Variants in MCU observed in about 807,000 individuals in gnomAD.
The protein encoded by MCU is calcium uniporter protein, mitochondrial.
In MCU, 12 loss-of-function variants were observed where a neutral mutation model predicts 45.2. That is an observed-to-expected ratio of 0.27 (90% CI 0.17 to 0.43). The LOEUF (loss-of-function observed/expected upper bound fraction) is 0.43. Ranked by LOEUF, MCU falls within the 20% of genes least tolerant of loss-of-function variation. The pLI, the probability that MCU is intolerant of heterozygous loss-of-function variation, is 1.00. For missense variants in MCU, 324 were observed against 436.7 expected (o/e 0.74, Z 2.30); for synonymous variants, 160 against 165.1 (o/e 0.97, Z 0.24).
chr10:72,787,883 A>G (rs1354622094), intron 1 of MCU, among the ~76,000 whole-genome samples: 1 of 151,384 alleles, frequency 6.6e-6, no homozygotes, highest in Non-Finnish European at 1.5e-5. Flanking sequence ...CACCCAGCTA[A>G]TTTTTGTATT....
At chr10:72,738,258 C>T (rs527849863) in intron 1 of MCU, among the ~76,000 whole-genome samples, 1 of 152,128 alleles carries the variant, frequency 6.6e-6, no homozygotes, top group African/African-American at 2.4e-5. Flanking sequence ...AAATTGCTCC[C>T]ACTCTTTCTT....
At chr10:72,827,430 A>G (rs1033858759) in intron 1 of MCU, among the ~76,000 whole-genome samples, 1 of 152,220 alleles carries the variant, frequency 6.6e-6, no homozygotes, top group Non-Finnish European at 1.5e-5. Flanking sequence ...GCTTATGGAA[A>G]TCATAATTAC....
rs1589463369 is a variant in MCU at position 72,794,424 on chromosome 10, C to T, written c.151-39935C>T. ...AGTCTTTCTGCCTATGGGGTTGTTT[C>T]CTAAGGCTCTTGGTTCTGCCTTCTG... On this transcript the variant is annotated intron_variant, in intron 1 of 7. Transcript: ENST00000373053. Among the ~76,000 whole-genome samples the T allele has an allele frequency of 3.3e-5, 5 of 152,258 alleles. No individual in the cohort carries two copies. In the South Asian group the frequency reaches 1.0e-3, roughly 32 times the overall value.
At chr10:72,884,974 TCTTTGTGA>T (rs1275299595) in intron 7 of MCU, among the ~76,000 whole-genome samples, 3 of 152,348 alleles carry the variant, frequency 2.0e-5, no homozygotes, top group South Asian at 4.1e-4. Flanking sequence ...TTCTCTGTAG[TCTTTGTGA>T]CTTTAGAGAT....
At chr10:72,739,966 G>A (rs767836391) in intron 1 of MCU, among the ~76,000 whole-genome samples, 5 of 151,834 alleles carry the variant, frequency 3.3e-5, no homozygotes, top group East Asian at 2.0e-4. Flanking sequence ...GTGAGCCACC[G>A]TGCCCAGCTG....
chr10:72,746,225 G>C (rs1186319825), intron 1 of MCU, among the ~76,000 whole-genome samples: 2 of 152,084 alleles, frequency 1.3e-5, no homozygotes, highest in Non-Finnish European at 2.9e-5. Flanking sequence ...CCACACTGGC[G>C]TTGCAGTAAT....
At chr10:72,816,933 T>A (rs1174070579) in intron 1 of MCU, among the ~76,000 whole-genome samples, 1 of 152,246 alleles carries the variant, frequency 6.6e-6, no homozygotes, top group Non-Finnish European at 1.5e-5. Flanking sequence ...TAATAAAAAG[T>A]GTTCTACAGC....
chr10:72,786,661 G>T (rs1844076044), intron 1 of MCU, among the ~76,000 whole-genome samples: 1 of 152,114 alleles, frequency 6.6e-6, no homozygotes, highest in Admixed American at 6.6e-5. Context: ...CAGGAGAATC[G>T]CTTGAACCCA....
chr10:72,781,413 A>T (rs1053926607), intron 1 of MCU, among the ~76,000 whole-genome samples: 3 of 152,222 alleles, frequency 2.0e-5, no homozygotes, highest in Non-Finnish European at 2.9e-5. Context: ...TTTTAAATGA[A>T]TCATTGTAGA....
At chr10:72,703,460 G>A (rs1449027572) in intron 1 of MCU, among the ~76,000 whole-genome samples, 1 of 152,190 alleles carries the variant, frequency 6.6e-6, no homozygotes, top group African/African-American at 2.4e-5. Context: ...TGTTTCTGTG[G>A]TGAGGGATCA....
At chr10:72,793,649 C>G (rs1446256416) in intron 1 of MCU, among the ~76,000 whole-genome samples, 4 of 152,010 alleles carry the variant, frequency 2.6e-5, no homozygotes, top group Non-Finnish European at 4.4e-5. Flanking sequence ...CTTCCTCACA[C>G]AGATCTAACC....
intron 1 of MCU, among the ~76,000 whole-genome samples, chr10:72,729,506 T>A (rs1303436001): frequency 6.6e-6 from 1 of 152,144 alleles, no homozygotes; most frequent in East Asian, 1.9e-4. Context: ...TTATATTCCT[T>A]TTAAAAAAGA....
intron 2 of MCU, among the ~76,000 whole-genome samples, chr10:72,843,250 A>G (rs1417544297): frequency 1.3e-5 from 2 of 152,174 alleles, no homozygotes; most frequent in Admixed American, 1.3e-4. Context: ...ATCCACTGTT[A>G]TAGTATCACA....
intron 1 of MCU, among the ~76,000 whole-genome samples, chr10:72,824,519 A>G (rs760955556): frequency 7.3e-5 from 11 of 151,704 alleles, no homozygotes; most frequent in African/African-American, 1.7e-4. Context: ...CATGATGTCT[A>G]TTTTTCCAGT....
intron 1 of MCU, among the ~76,000 whole-genome samples, chr10:72,758,361 CAA>C (rs1350358744): frequency 6.6e-6 from 1 of 152,068 alleles, no homozygotes; most frequent in African/African-American, 2.4e-5. Flanking sequence ...ATATTTATGT[CAA>C]AGAGGAATAT....
chr10:72,821,993 C>T (rs752964892), intron 1 of MCU, among the ~76,000 whole-genome samples: 8 of 152,018 alleles, frequency 5.3e-5, no homozygotes, highest in Non-Finnish European at 7.4e-5. Context: ...GAAGAAATAA[C>T]GGCTGGACGT....
At position 72,740,236 on chromosome 10, in the gene MCU, G is replaced by A. The variant is rs572091989; in HGVS notation, c.150+47935G>A. Among the ~76,000 whole-genome samples, 20 of 151,936 alleles carry A rather than the reference G, an allele frequency of 1.3e-4. No individual in the cohort carries two copies. In the East Asian group the frequency reaches 3.3e-3, roughly 25 times the overall value. ...TCTGCTAAAATATAAAAAATTAGCC[G>A]GGCATGGTGGTGTGCACCTGTAGTC... On this transcript the variant is annotated intron_variant, in intron 1 of 7. Coordinates refer to ENST00000373053, the MANE Select transcript of MCU (RefSeq NM_138357.3).
intron 2 of MCU, among the ~76,000 whole-genome samples, chr10:72,858,165 C>A (rs953583452): frequency 1.4e-4 from 22 of 152,126 alleles, no homozygotes; most frequent in African/African-American, 5.3e-4. Flanking sequence ...AGGATGCATG[C>A]TGAGCAGGGT....
chr10:72,780,642 C>G (rs1234213511), intron 1 of MCU, among the ~76,000 whole-genome samples: 1 of 151,288 alleles, frequency 6.6e-6, no homozygotes, highest in African/African-American at 2.4e-5. Context: ...GCAGGAACAC[C>G]AGGGCTACTT....
Sources: allele counts gnomAD v4.1 joint callset (sites outside exome capture counted in the v4.1 genomes callset), GRCh38; gene constraint gnomAD v4.1.1; transcripts MANE v1.5; gene names NCBI Gene and HGNC (gene_info 2026-07-23, HGNC 2026-07-21).